The following RERE variants were observed in gnomAD, a reference collection of about 807,000 sequenced individuals.
The protein encoded by RERE is arginine-glutamic acid dipeptide repeats protein.
Under a neutral mutation model 146.1 loss-of-function variants are expected in RERE, and 40 were observed. That is an observed-to-expected ratio of 0.27 (90% CI 0.21 to 0.36). The LOEUF (loss-of-function observed/expected upper bound fraction) is 0.36. Ranked by LOEUF, RERE falls within the 10% of genes least tolerant of loss-of-function variation. The pLI is 1.00. For synonymous variants in RERE, 1,003 were observed against 866.0 expected (o/e 1.16, Z -2.78); for missense variants, 1,933 against 2,138.7 (o/e 0.90, Z 1.90).
chr1:8,550,018 G>C (rs902823236), intron 6 of RERE, among the ~76,000 whole-genome samples: 1 of 152,188 alleles, frequency 6.6e-6, no homozygotes, highest in Non-Finnish European at 1.5e-5. Flanking sequence ...CGAGGACATT[G>C]CTGAAAATCA....
At chr1:8,563,663 C>A (rs141686949) in intron 4 of RERE, among the ~76,000 whole-genome samples, 9 of 152,298 alleles carry the variant, frequency 5.9e-5, no homozygotes, top group Non-Finnish European at 1.3e-4. Flanking sequence ...TAACCTCCTG[C>A]ATATATTTAA....
In RERE at chr1:8,799,749, A is replaced by AT. The variant is rs111643730; in HGVS notation, c.-145+17410dup. Among the ~76,000 whole-genome samples, 249 of 145,302 alleles carry AT rather than the reference A, an allele frequency of 1.7e-3. 2 individuals carry two copies. The highest frequency in any genetic ancestry group is 3.9e-3 in the African/African-American group (155 of 39,786). ...TTAAAACATTATGAGTTTTTTTGTG[A>AT]TTTTTTTTTTTTATTTTTAGCTCAT... On this transcript the variant is annotated intron_variant, in intron 1 of 22. Coordinates refer to ENST00000400908, the MANE Select transcript of RERE (RefSeq NM_001042681.2).
intron 4 of RERE, among the ~76,000 whole-genome samples, chr1:8,575,175 G>A (rs112066890): frequency 9.1e-4 from 139 of 152,198 alleles, no homozygotes; most frequent in African/African-American, 3.3e-3. Context: ...GGACAGACCT[G>A]CTGGACTAGT....
chr1:8,721,421 C>T (rs548111184), intron 1 of RERE, among the ~76,000 whole-genome samples: 2 of 152,168 alleles, frequency 1.3e-5, no homozygotes, highest in Non-Finnish European at 2.9e-5. Context: ...AAGCAGTTCT[C>T]CTGCCTCAGC....
chr1:8,490,084 C>T (rs1421404712), intron 10 of RERE, among the ~76,000 whole-genome samples: 1 of 147,542 alleles, frequency 6.8e-6, no homozygotes, highest in African/African-American at 2.5e-5. Context: ...TTTGACAGAA[C>T]AGGCGCAGTG....
Position 8,356,205 on chromosome 1 carries a change from C to T in RERE, c.4381G>A (p.Ala1461Thr), listed in dbSNP as rs1406169177. The T allele has an allele frequency of 6.6e-7, 1 of 1,523,098 alleles. No individual in the cohort carries two copies. The highest frequency in any genetic ancestry group is 8.7e-7 in the Non-Finnish European group (1 of 1,146,594). The allele number at this position is 1,523,098 out of a possible 1,614,324, so 94.3% of individuals were successfully genotyped here. ...PVHPLVDPLTAGPHLARFPYP... is the reference protein window; with the variant it reads ...PVHPLVDPLTTGPHLARFPYP... ...GGGAAGCGAGCCAGGTGGGGACCGG[C>T]AGTCAGGGGGTCGACCAGCGGGTGA... is the stretch of plus-strand genomic sequence containing the variant. Residue 1461 changes from alanine to threonine, a missense_variant, in exon 21 of 23, where the codon GCC becomes ACC. Around this residue, in one of 11 missense-constraint regions of RERE, gnomAD observed 133 missense variants for 168.6 expected, o/e 0.79. Coordinates refer to ENST00000400908, the MANE Select transcript of RERE (RefSeq NM_001042681.2). The surrounding 1 kb of genome is among the most constrained non-coding windows in gnomAD (Gnocchi z 5.2).
chr1:8,566,330 A>G (rs1169526005), intron 4 of RERE, among the ~76,000 whole-genome samples: 2 of 152,156 alleles, frequency 1.3e-5, no homozygotes, highest in Non-Finnish European at 2.9e-5. Context: ...AAAACAAAAT[A>G]AAATACCTGG....
rs371765685 is a variant in RERE, at chr1:8,422,798, C to G, written c.1213G>C (p.Val405Leu). ...CWTEDEVKRF[V>L]KGLRQYGKNF... is the part of the protein sequence containing the mutation. ...TTCCCGTACTGCCTGAGTCCCTTAACGAAGCGTTTCTGTGATAAAAAGAAA... is the reference window on the plus strand; with the variant it reads ...TTCCCGTACTGCCTGAGTCCCTTAAGGAAGCGTTTCTGTGATAAAAAGAAA... The change falls in exon 12 of 23, where the codon GTT becomes CTT. Residue 405 changes from valine to leucine, a missense_variant. Around this residue, in one of 11 missense-constraint regions of RERE, gnomAD observed 260 missense variants for 378.4 expected, o/e 0.69. Transcript: ENST00000400908. 1 of 1,613,166 alleles carries G rather than the reference C, an allele frequency of 6.2e-7. No individual in the cohort carries two copies. The highest frequency in any genetic ancestry group is 1.3e-5 in the African/African-American group (1 of 74,886).
At chr1:8,450,794 C>T (rs1353981570) in intron 11 of RERE, among the ~76,000 whole-genome samples, 1 of 152,188 alleles carries the variant, frequency 6.6e-6, no homozygotes, top group Non-Finnish European at 1.5e-5. Flanking sequence ...CCTTCTTATC[C>T]TGTGACCAGC....
intron 4 of RERE, among the ~76,000 whole-genome samples, chr1:8,611,680 T>C (rs532879222): frequency 9.2e-5 from 14 of 152,182 alleles, no homozygotes; most frequent in Admixed American, 2.6e-4. Flanking sequence ...CTTGATCTTC[T>C]AGTGAGGAAG....
intron 1 of RERE, among the ~76,000 whole-genome samples, chr1:8,788,252 A>C (rs1001979541): frequency 6.6e-6 from 1 of 152,194 alleles, no homozygotes; most frequent in Non-Finnish European, 1.5e-5. Flanking sequence ...ACATAATACA[A>C]CCATGTTATG....
At chr1:8,786,521 T>C (rs1641262137) in intron 1 of RERE, 14 of 789,852 alleles carry the variant, frequency 1.8e-5, no homozygotes, top group South Asian at 1.7e-4. Context: ...CCCCATGTAA[T>C]ATATGGCTCT....
intron 17 of RERE, 78 bp downstream of exon 17, chr1:8,361,685 C>T: frequency 7.1e-7 from 1 of 1,412,848 alleles, no homozygotes; most frequent in Middle Eastern, 1.8e-4. Context: ...GGCACGGCCA[C>T]CAACTAGGGA....
intron 15 of RERE, 183 bp downstream of exon 15, chr1:8,363,873 A>G: frequency 1.6e-6 from 1 of 619,026 alleles, no homozygotes; most frequent in Non-Finnish European, 2.8e-6. Flanking sequence ...GGCCCCTCGA[A>G]GGAGAGAACA....
In RERE at chr1:8,614,622, G is replaced by C. The variant is rs1174934073; in HGVS notation, c.461C>G (p.Ser154Cys). 1 of 1,613,238 alleles carries C rather than the reference G, an allele frequency of 6.2e-7. No individual in the cohort carries two copies. ...TGGTGGCTGTGATGCCACCGGCAGA[G>C]AGCATGCTGGGGGGTCACACAAAGC... is the stretch of plus-strand genomic sequence containing the variant. ...TPALCDPPAC[S>C]LPVASQPPQH... The change falls in exon 4 of 23, where the codon TCT (serine) becomes TGT (cysteine). Residue 154 changes from serine to cysteine, a missense_variant. This residue lies in a region of RERE where 74 missense variants were observed against 99.6 expected (regional missense o/e 0.74). Transcript: ENST00000400908.
At chr1:8,805,006 TGG>T (rs34952673) in intron 1 of RERE, among the ~76,000 whole-genome samples, 19,024 of 110,510 alleles carry the variant, frequency 0.17, 2,442 homozygotes, top group Non-Finnish European at 0.21. Context: ...GTTTTGTTTT[TGG>T]TTTTTTTTTT....
intron 1 of RERE, among the ~76,000 whole-genome samples, chr1:8,683,306 G>C (rs12045065): frequency 2.6e-5 from 4 of 152,042 alleles, no homozygotes; most frequent in Non-Finnish European, 5.9e-5. Context: ...CCTCCCTCCA[G>C]ACTTGTTCCT....
In RERE at chr1:8,529,250, T is replaced by C. The variant is rs1285928691; in HGVS notation, c.830+11964A>G. 2.0e-5 allele frequency among the ~76,000 whole-genome samples: 3 copies of C among 148,830 alleles called. No homozygotes were observed. In the East Asian group the frequency reaches 5.9e-4, roughly 29 times the overall value. On this transcript the variant is annotated intron_variant, in intron 7 of 22. Coordinates refer to ENST00000400908, the MANE Select transcript of RERE (RefSeq NM_001042681.2). ...TTAAATATATTAAACAAACAGAAAA[T>C]ATATCCACCAGCCTCCACAACCATC...
rs1240132214 is a variant in RERE at position 8,787,757 on chromosome 1, G to T, written c.-145+29403C>A. ...GAGGCAGGAGAATGGCTTGAATACT[G>T]GTAGCAGAGGTTGCAGTGAGCCGAG... On this transcript the variant is annotated intron_variant, in intron 1 of 22. Coordinates refer to ENST00000400908, the MANE Select transcript of RERE (RefSeq NM_001042681.2). 3.3e-5 allele frequency among the ~76,000 whole-genome samples: 5 copies of T among 150,828 alleles called. No individual in the cohort carries two copies. In the East Asian group the frequency reaches 9.7e-4, roughly 29 times the overall value.
Sources: gnomAD v4.1 joint callset for allele counts (sites outside exome capture counted in the v4.1 genomes callset) on GRCh38, gnomAD v4.1.1 for gene constraint, gnomAD v4.1.1 regional missense constraint, Gnocchi (gnomAD v3.1) non-coding constraint, MANE v1.5 for transcripts, NCBI Gene and HGNC (gene_info 2026-07-23, HGNC 2026-07-21) for gene names.